The following ABHD17C variants were observed in gnomAD, a reference collection of about 807,000 sequenced individuals.
The protein encoded by ABHD17C is alpha/beta hydrolase domain-containing protein 17C.
Under a neutral mutation model 27.9 loss-of-function variants are expected in ABHD17C, and 11 were observed. That is an observed-to-expected ratio of 0.39 (90% CI 0.25 to 0.65). The LOEUF (loss-of-function observed/expected upper bound fraction) is 0.65, where lower values mean the gene tolerates loss of function less well. ABHD17C is among the 30% of genes least tolerant of loss of function. The pLI, the probability that ABHD17C is intolerant of heterozygous loss-of-function variation, is 0.45. For synonymous variants in ABHD17C, 233 were observed against 209.1 expected, an observed-to-expected ratio of 1.11 and a Z score of -0.98; for missense variants, 280 against 470.2, an observed-to-expected ratio of 0.60 and a Z score of 3.74.
intron 1 of ABHD17C, among the ~76,000 whole-genome samples, chr15:80,697,821 T>C (rs1039065501): frequency 6.6e-6 from 1 of 152,222 alleles, no homozygotes; most frequent in African/African-American, 2.4e-5. Context: ...TTTATTCACC[T>C]GTAAAAAAGG....
intron 1 of ABHD17C, among the ~76,000 whole-genome samples, chr15:80,711,453 C>G (rs541901032): frequency 1.3e-5 from 2 of 152,120 alleles, no homozygotes; most frequent in African/African-American, 4.8e-5. Context: ...CCAGGCAGCC[C>G]GCAGGTGATT....
intron 1 of ABHD17C, among the ~76,000 whole-genome samples, chr15:80,716,433 T>C (rs1474230959): frequency 6.6e-6 from 1 of 152,178 alleles, no homozygotes; most frequent in Non-Finnish European, 1.5e-5. Context: ...TTCTTGCCAG[T>C]CTGTAGGTCC....
intron 1 of ABHD17C, among the ~76,000 whole-genome samples, chr15:80,708,058 C>T (rs776596917): frequency 2.0e-5 from 3 of 152,188 alleles, no homozygotes; most frequent in East Asian, 1.9e-4. Flanking sequence ...GCACTGTCAG[C>T]GCAGCTCTTC....
At chr15:80,719,358 T>C (rs184444778) in intron 1 of ABHD17C, among the ~76,000 whole-genome samples, 2 of 152,332 alleles carry the variant, frequency 1.3e-5, no homozygotes, top group Non-Finnish European at 2.9e-5. Context: ...GTTTGTAATT[T>C]TTAGGTAATG....
chr15:80,727,930 G>T (rs1176040713), intron 1 of ABHD17C, among the ~76,000 whole-genome samples: 1 of 152,060 alleles, frequency 6.6e-6, no homozygotes, highest in African/African-American at 2.4e-5. Flanking sequence ...CTCCCTGGGT[G>T]CAGCCGTCAT....
At position 80,695,670 on chromosome 15, in the gene ABHD17C, G is replaced by C. The variant is rs1251625936; in HGVS notation, c.241G>C (p.Gly81Arg). Residue 81 changes from glycine (G) to arginine (R), a missense_variant, in exon 1 of 3, where the codon GGC becomes CGC. This residue lies in a region of ABHD17C where 206 missense variants were observed against 394.7 expected (regional missense o/e 0.52). Transcript: ENST00000258884. This position sits in a 1 kb window ranked among gnomAD's most constrained non-coding sequence, Gnocchi z 4.3. ...ACCGCAGCAGCCCGAGGAGGGCGCGGGCGCGGGGCCCGGTGCGTGCAGCCT... is the reference window on the plus strand; with the variant it reads ...ACCGCAGCAGCCCGAGGAGGGCGCGCGCGCGGGGCCCGGTGCGTGCAGCCT... Reference protein sequence around the residue: ...PAPQQPEEGAGAGPGACSLHL... With the variant: ...PAPQQPEEGARAGPGACSLHL... 7 of 1,440,878 alleles carry C rather than the reference G, an allele frequency of 4.9e-6. No individual in the cohort carries two copies. Among genetic ancestry groups the C allele is most frequent in the Non-Finnish European group, 6.3e-6 (7 of 1,107,032 alleles). The allele number at this position is 1,440,878 out of a possible 1,614,324, so 89.3% of individuals were successfully genotyped here.
chr15:80,696,400 A>G (rs1894495875), intron 1 of ABHD17C, among the ~76,000 whole-genome samples: 1 of 152,240 alleles, frequency 6.6e-6, no homozygotes, highest in Non-Finnish European at 1.5e-5. Flanking sequence ...TACGAGCTGA[A>G]GTGACCTTGG....
At chr15:80,752,218 A>G (rs886479847) in intron 2 of ABHD17C, among the ~76,000 whole-genome samples, 1 of 152,226 alleles carries the variant, frequency 6.6e-6, no homozygotes, top group African/African-American at 2.4e-5. Context: ...CTCTTAAAGG[A>G]AGTCACTTTA....
chr15:80,750,134 C>T (rs1428763270), intron 2 of ABHD17C, among the ~76,000 whole-genome samples: 1 of 152,174 alleles, frequency 6.6e-6, no homozygotes, highest in Non-Finnish European at 1.5e-5. Flanking sequence ...GGAAATTTCT[C>T]TTACTTTTTC....
In ABHD17C at chr15:80,754,665, A is replaced by C. The variant is rs186713319; in HGVS notation, c.*295A>C. 1.4e-5 allele frequency: 4 copies of C among 284,966 alleles called. No individual in the cohort carries two copies. The highest frequency in any genetic ancestry group is 4.8e-5 in the Admixed American group (1 of 20,750). 17.7% of individuals were successfully genotyped at this position (284,966 alleles called of 1,614,324 possible). ...CTAGTGCTGTATAAAGTAGCCTCGCATCTGTTTCTCAACCTTATCCATCAT... is the reference window on the plus strand; with the variant it reads ...CTAGTGCTGTATAAAGTAGCCTCGCCTCTGTTTCTCAACCTTATCCATCAT... On this transcript the variant is annotated 3_prime_UTR_variant, in exon 3 of 3. Coordinates refer to ENST00000258884, the MANE Select transcript of ABHD17C (RefSeq NM_021214.2).
intron 1 of ABHD17C, among the ~76,000 whole-genome samples, chr15:80,725,489 C>CATT (rs146595856): frequency 0.43 from 64,686 of 151,790 alleles, 16,844 homozygotes; most frequent in Middle Eastern, 0.62. Flanking sequence ...TACCTGGTGT[C>CATT]ATTTTTATAA....
intron 2 of ABHD17C, among the ~76,000 whole-genome samples, chr15:80,752,970 G>A (rs1264938668): frequency 1.3e-5 from 2 of 152,116 alleles, no homozygotes; most frequent in Non-Finnish European, 2.9e-5. Context: ...TAAAATCTAG[G>A]CATTACATTA....
intron 1 of ABHD17C, among the ~76,000 whole-genome samples, chr15:80,715,548 A>C (rs1260428439): frequency 2.0e-5 from 3 of 152,254 alleles, no homozygotes; most frequent in African/African-American, 7.2e-5. Context: ...GATAGAATAC[A>C]TTTTTAAAAA....
chr15:80,701,008 G>A (rs1386398897), intron 1 of ABHD17C, among the ~76,000 whole-genome samples: 2 of 152,198 alleles, frequency 1.3e-5, no homozygotes, highest in Admixed American at 6.5e-5. Flanking sequence ...TTAATCCCAA[G>A]CTGTTTCTTT....
chr15:80,752,076 G>T (rs981397629), intron 2 of ABHD17C, among the ~76,000 whole-genome samples: 2 of 152,094 alleles, frequency 1.3e-5, no homozygotes, highest in African/African-American at 4.8e-5. Context: ...ACTTGGGATC[G>T]GATGATGGAA....
intron 1 of ABHD17C, among the ~76,000 whole-genome samples, chr15:80,700,805 G>A (rs1475739159): frequency 6.6e-6 from 1 of 152,144 alleles, no homozygotes; most frequent in African/African-American, 2.4e-5. Flanking sequence ...GGAGGCTGAG[G>A]TGGGAGGATC....
At chr15:80,724,652 G>T (rs1333949662) in intron 1 of ABHD17C, among the ~76,000 whole-genome samples, 1 of 152,200 alleles carries the variant, frequency 6.6e-6, no homozygotes. Context: ...CTGCTGCCTG[G>T]TCTCTGGTGT....
chr15:80,704,623 G>A (rs1176860012), intron 1 of ABHD17C: 2 of 151,800 alleles, frequency 1.3e-5, no homozygotes, highest in Admixed American at 6.6e-5. Flanking sequence ...GGAGGGCGCA[G>A]TCCTGAGAGA....
chr15:80,723,763 T>C (rs892649327), intron 1 of ABHD17C, among the ~76,000 whole-genome samples: 2 of 152,222 alleles, frequency 1.3e-5, no homozygotes, highest in Non-Finnish European at 2.9e-5. Flanking sequence ...GAGAGGCTGC[T>C]GCTTTGCGTG....
Sources: allele counts gnomAD v4.1 joint callset (sites outside exome capture counted in the v4.1 genomes callset), GRCh38; gene constraint gnomAD v4.1.1; regional missense constraint gnomAD v4.1.1; non-coding constraint Gnocchi (gnomAD v3.1); transcripts MANE v1.5; gene names NCBI Gene and HGNC (gene_info 2026-07-23, HGNC 2026-07-21).